NKAIN2: variants seen among roughly 807,000 people sequenced by gnomAD.
The protein encoded by NKAIN2 is sodium/potassium-transporting ATPase subunit beta-1-interacting protein 2.
In NKAIN2, 14 loss-of-function variants were observed where a neutral mutation model predicts 32.6. The ratio of observed to expected loss-of-function variants is 0.43; its 90% confidence interval spans 0.28 to 0.67. The LOEUF is 0.67. Ranked by LOEUF, NKAIN2 falls within the 30% of genes least tolerant of loss-of-function variation. NKAIN2 has a pLI of 0.17. For synonymous variants in NKAIN2, 80 were observed against 87.2 expected (o/e 0.92, Z 0.46); for missense variants, 198 against 258.3 (o/e 0.77, Z 1.60).
intron 3 of NKAIN2, among the ~76,000 whole-genome samples, chr6:124,451,079 C>T (rs1450903857): frequency 6.6e-6 from 1 of 152,124 alleles, no homozygotes; most frequent in African/African-American, 2.4e-5. Flanking sequence ...AGCCCAAGCA[C>T]ACTATCTGTA....
chr6:124,682,809 G>A (rs1773686577), intron 4 of NKAIN2, among the ~76,000 whole-genome samples: 1 of 151,994 alleles, frequency 6.6e-6, no homozygotes. Flanking sequence ...TATTTTGTGA[G>A]TAGAGATTAA....
At chr6:123,881,499 A>G (rs1773450946) in intron 1 of NKAIN2, among the ~76,000 whole-genome samples, 1 of 152,234 alleles carries the variant, frequency 6.6e-6, no homozygotes, top group African/African-American at 2.4e-5. Flanking sequence ...ATCTAGTGTC[A>G]TAATTTGGAT....
chr6:124,577,883 C>G (rs1409346790), intron 3 of NKAIN2, among the ~76,000 whole-genome samples: 1 of 152,116 alleles, frequency 6.6e-6, no homozygotes, highest in African/African-American at 2.4e-5. Flanking sequence ...CACAGTAGGA[C>G]AGAGCACCAG....
At chr6:124,229,129 C>G (rs1472628749) in intron 1 of NKAIN2, among the ~76,000 whole-genome samples, 1 of 152,156 alleles carries the variant, frequency 6.6e-6, no homozygotes, top group Non-Finnish European at 1.5e-5. Flanking sequence ...CTGCACTAGC[C>G]TAGCTCAGAT....
intron 1 of NKAIN2, among the ~76,000 whole-genome samples, chr6:124,165,888 T>G: frequency 8.4e-6 from 1 of 119,546 alleles, no homozygotes; most frequent in Non-Finnish European, 1.7e-5. Flanking sequence ...GGTGTATATG[T>G]GCCACATTTT....
At chr6:124,340,287 AT>A (rs779134550) in intron 2 of NKAIN2, among the ~76,000 whole-genome samples, 7 of 152,174 alleles carry the variant, frequency 4.6e-5, no homozygotes, top group Non-Finnish European at 8.8e-5. Context: ...ACACATCTAC[AT>A]CTTAAAGCCT....
At chr6:124,219,169 C>T (rs954958470) in intron 1 of NKAIN2, among the ~76,000 whole-genome samples, 2 of 152,150 alleles carry the variant, frequency 1.3e-5, no homozygotes, top group Admixed American at 6.6e-5. Context: ...AGTATGAAAA[C>T]TGATCCTTTT....
chr6:124,557,241 G>T (rs1780509350), intron 3 of NKAIN2, among the ~76,000 whole-genome samples: 1 of 152,184 alleles, frequency 6.6e-6, no homozygotes, highest in Non-Finnish European at 1.5e-5. Flanking sequence ...TCTACTTCTT[G>T]ACTCATCAAA....
intron 1 of NKAIN2, among the ~76,000 whole-genome samples, chr6:124,182,678 T>C (rs547088247): frequency 6.6e-6 from 1 of 152,320 alleles, no homozygotes; most frequent in South Asian, 2.1e-4. Context: ...GACCTGTCTA[T>C]ATCCATATAT....
intron 5 of NKAIN2, among the ~76,000 whole-genome samples, chr6:124,814,092 A>G (rs568309758): frequency 1.4e-4 from 22 of 152,306 alleles, no homozygotes; most frequent in African/African-American, 4.3e-4. Context: ...CTACCTCTCT[A>G]TCTACATGGC....
intron 3 of NKAIN2, among the ~76,000 whole-genome samples, chr6:124,482,075 C>CA (rs1262221240): frequency 6.6e-6 from 1 of 152,072 alleles, no homozygotes; most frequent in African/African-American, 2.4e-5. Flanking sequence ...TTTAAACCCT[C>CA]AAAAATTTAT....
chr6:124,508,464 C>T (rs1334691170), intron 3 of NKAIN2, among the ~76,000 whole-genome samples: 5 of 151,322 alleles, frequency 3.3e-5, no homozygotes, highest in Admixed American at 3.3e-4. Context: ...CCTGCCTCAG[C>T]CTCCCTAGTA....
At chr6:124,701,601 T>G (rs1774795710) in intron 4 of NKAIN2, among the ~76,000 whole-genome samples, 1 of 152,084 alleles carries the variant, frequency 6.6e-6, no homozygotes. Flanking sequence ...ATAACACTGA[T>G]ATAATAATTG....
intron 1 of NKAIN2, among the ~76,000 whole-genome samples, chr6:124,050,965 C>T (rs1782372954): frequency 6.6e-6 from 1 of 152,044 alleles, no homozygotes; most frequent in African/African-American, 2.4e-5. Context: ...AAGAAAAATA[C>T]ATGTGATTCA....
chr6:124,347,194 T>G (rs1421105345), intron 2 of NKAIN2, among the ~76,000 whole-genome samples: 3 of 151,498 alleles, frequency 2.0e-5, no homozygotes, highest in Non-Finnish European at 4.4e-5. Context: ...GAGTTTCTGC[T>G]GAGAGATCAG....
chr6:124,652,976 A>G (rs1001597113), intron 3 of NKAIN2, among the ~76,000 whole-genome samples: 1 of 152,200 alleles, frequency 6.6e-6, no homozygotes, highest in Non-Finnish European at 1.5e-5. Flanking sequence ...TACAAGATCT[A>G]TATGAGGAAA....
At chr6:124,306,813 G>A (rs548823373) in intron 2 of NKAIN2, among the ~76,000 whole-genome samples, 39 of 152,254 alleles carry the variant, frequency 2.6e-4, no homozygotes, top group African/African-American at 8.9e-4. Flanking sequence ...AACTGTATGT[G>A]ACAATTCTGC....
intron 5 of NKAIN2, among the ~76,000 whole-genome samples, chr6:124,791,941 C>G (rs1027670568): frequency 1.3e-5 from 2 of 152,096 alleles, no homozygotes; most frequent in Non-Finnish European, 2.9e-5. Flanking sequence ...CTAACTATGT[C>G]AAAGTCTCAA....
At chr6:124,615,631 G>A (rs1390616050) in intron 3 of NKAIN2, among the ~76,000 whole-genome samples, 1 of 152,050 alleles carries the variant, frequency 6.6e-6, no homozygotes, top group Non-Finnish European at 1.5e-5. Context: ...AATATGCTCA[G>A]AATAAAATAA....
Sources: gnomAD v4.1 joint callset for allele counts (sites outside exome capture counted in the v4.1 genomes callset) on GRCh38, gnomAD v4.1.1 for gene constraint, MANE v1.5 for transcripts, NCBI Gene and HGNC (gene_info 2026-07-23, HGNC 2026-07-21) for gene names.